KCNJ6: variants seen among roughly 807,000 people sequenced by gnomAD.
KCNJ6 encodes the protein G protein-activated inward rectifier potassium channel 2.
In KCNJ6, 9 loss-of-function variants were observed where a neutral mutation model predicts 34.2. That is an observed-to-expected ratio of 0.26 (90% CI 0.16 to 0.46). The LOEUF (loss-of-function observed/expected upper bound fraction) is 0.46, where lower values mean the gene tolerates loss of function less well. Among genes scored for constraint, KCNJ6 ranks in the 20% least tolerant of loss-of-function variants. The probability of loss-of-function intolerance (pLI) is 1.00; values close to 1 mark genes in which losing one functional copy is unlikely to be tolerated. For synonymous variants in KCNJ6, 196 were observed against 207.1 expected (o/e 0.95, Z 0.46); for missense variants, 236 against 531.3 (o/e 0.44, Z 5.46).
intron 1 of KCNJ6, among the ~76,000 whole-genome samples, chr21:37,844,503 G>T (rs2055497015): frequency 6.6e-6 from 1 of 151,934 alleles, no homozygotes; most frequent in Admixed American, 6.6e-5. Flanking sequence ...AACCTGACAT[G>T]GCCTCTCCCT....
intron 2 of KCNJ6, among the ~76,000 whole-genome samples, chr21:37,720,766 G>T (rs1274949333): frequency 7.3e-5 from 11 of 150,376 alleles, no homozygotes; most frequent in Non-Finnish European, 1.3e-4. Context: ...GGACTGCAGT[G>T]GCGCAATCTC....
Position 37,611,246 on chromosome 21 carries a change from G to A in KCNJ6, c.*13913C>T, listed in dbSNP as rs1275654746. 1 of 152,164 alleles carries A rather than the reference G, an allele frequency of 6.6e-6. No homozygotes were observed. Among genetic ancestry groups the A allele is most frequent in the African/African-American group, 2.4e-5 (1 of 41,448 alleles). 9.4% of individuals were successfully genotyped at this position (152,164 alleles called of 1,614,324 possible). On this transcript the variant is annotated 3_prime_UTR_variant, in exon 4 of 4. Coordinates refer to ENST00000609713, the MANE Select transcript of KCNJ6 (RefSeq NM_002240.5). ...TACCCACAAATTTGATAATGTAGAT[G>A]AAATGAACCAATTCCTTGAAAAATA...
chr21:37,726,628 A>C (rs2054856483), intron 2 of KCNJ6, among the ~76,000 whole-genome samples: 1 of 152,184 alleles, frequency 6.6e-6, no homozygotes, highest in Non-Finnish European at 1.5e-5. Context: ...GTAAAGAATG[A>C]ATGTTCTCCA....
intron 2 of KCNJ6, among the ~76,000 whole-genome samples, chr21:37,723,938 A>T (rs2123461043): frequency 6.6e-6 from 1 of 152,298 alleles, no homozygotes; most frequent in Middle Eastern, 3.4e-3. Flanking sequence ...AACAAATAAA[A>T]AAAAAAAAGA....
chr21:37,634,243 G>A (rs576915746), intron 3 of KCNJ6, among the ~76,000 whole-genome samples: 4 of 152,094 alleles, frequency 2.6e-5, no homozygotes, highest in Admixed American at 6.6e-5. Context: ...GTAAGTTCTC[G>A]TTCTATCAGT....
At chr21:37,877,232 TTCTCCCCAGGTC>T (rs1343566989) in intron 1 of KCNJ6, among the ~76,000 whole-genome samples, 1 of 152,192 alleles carries the variant, frequency 6.6e-6, no homozygotes. Context: ...CTCTCACCTT[TTCTCCCCAGGTC>T]TCTCCTGATA....
rs1274885583 is a variant in KCNJ6 at position 37,622,503 on chromosome 21, G to C, written c.*2656C>G. 1 of 152,198 alleles carries C rather than the reference G, an allele frequency of 6.6e-6. No homozygotes were observed. The highest frequency in any genetic ancestry group is 1.5e-5 in the Non-Finnish European group (1 of 68,028). The allele number at this position is 152,198 out of a possible 1,614,324, so 9.4% of individuals were successfully genotyped here. On this transcript the variant is annotated 3_prime_UTR_variant, in exon 4 of 4. Coordinates refer to ENST00000609713, the MANE Select transcript of KCNJ6 (RefSeq NM_002240.5). ...TTAACAACTGTAGAAAAATAGACAT[G>C]TTTGATAGGGACATTCTAGTAAAAG...
At chr21:37,762,508 G>T (rs2055070691) in intron 2 of KCNJ6, among the ~76,000 whole-genome samples, 1 of 152,216 alleles carries the variant, frequency 6.6e-6, no homozygotes, top group Admixed American at 6.5e-5. Context: ...TGGCCATGTG[G>T]AACTGCCTGC....
intron 1 of KCNJ6, among the ~76,000 whole-genome samples, chr21:37,867,373 C>T (rs1194869675): frequency 1.3e-5 from 2 of 152,104 alleles, no homozygotes; most frequent in Admixed American, 1.3e-4. Flanking sequence ...CCAGAAAGCC[C>T]CATGCAGCCA....
At chr21:37,888,708 G>A (rs895728349) in intron 1 of KCNJ6, among the ~76,000 whole-genome samples, 2 of 152,182 alleles carry the variant, frequency 1.3e-5, no homozygotes, top group African/African-American at 4.8e-5. Flanking sequence ...TGAGTTTGGG[G>A]ATCACAACGC....
chr21:37,844,839 C>T (rs943434838), intron 1 of KCNJ6, among the ~76,000 whole-genome samples: 1 of 152,144 alleles, frequency 6.6e-6, no homozygotes, highest in Admixed American at 6.5e-5. Flanking sequence ...CCATGTGTCA[C>T]ACTGTATAAT....
At chr21:37,852,033 T>C (rs965377071) in intron 1 of KCNJ6, among the ~76,000 whole-genome samples, 2 of 152,160 alleles carry the variant, frequency 1.3e-5, no homozygotes, top group African/African-American at 4.8e-5. Context: ...AGAGGTAGTC[T>C]AAGAAGACAG....
intron 3 of KCNJ6, among the ~76,000 whole-genome samples, chr21:37,673,567 T>A (rs143185134): frequency 2.2e-4 from 33 of 152,328 alleles, no homozygotes; most frequent in African/African-American, 7.9e-4. Context: ...CTGTGTTGTG[T>A]CCAACTCACT....
intron 1 of KCNJ6, among the ~76,000 whole-genome samples, chr21:37,908,346 T>C (rs2055851464): frequency 6.6e-6 from 1 of 152,208 alleles, no homozygotes; most frequent in Non-Finnish European, 1.5e-5. Context: ...GAAGCAGAGG[T>C]TCTCAAACAC....
At chr21:37,798,969 T>C (rs894064013) in intron 2 of KCNJ6, among the ~76,000 whole-genome samples, 1 of 152,206 alleles carries the variant, frequency 6.6e-6, no homozygotes, top group Non-Finnish European at 1.5e-5. Context: ...GTTTGTTATA[T>C]AGGTAAACTT....
intron 2 of KCNJ6, among the ~76,000 whole-genome samples, chr21:37,783,170 CT>C (rs2055177590): frequency 6.6e-6 from 1 of 152,192 alleles, no homozygotes; most frequent in Admixed American, 6.5e-5. Context: ...CCCAGCGATG[CT>C]TTCACAAGAC....
At chr21:37,631,529 A>G (rs2123367636) in intron 3 of KCNJ6, among the ~76,000 whole-genome samples, 1 of 152,310 alleles carries the variant, frequency 6.6e-6, no homozygotes, top group South Asian at 2.1e-4. Flanking sequence ...ACAATGTACA[A>G]AATGAAACCA....
chr21:37,857,091 G>T (rs2055569248), intron 1 of KCNJ6, among the ~76,000 whole-genome samples: 2 of 152,202 alleles, frequency 1.3e-5, no homozygotes, highest in South Asian at 4.1e-4. Flanking sequence ...CCTATGGATA[G>T]ATCTAATTTT....
chr21:37,859,487 TTATATATATATATATATATATATATATA>T (rs55859652), intron 1 of KCNJ6, among the ~76,000 whole-genome samples: 3 of 84,298 alleles, frequency 3.6e-5, no homozygotes, highest in African/African-American at 1.2e-4. Flanking sequence ...TTATATTACT[TTATATATATATATATATATATATATATA>T]TATATATATA....
Sources: allele counts gnomAD v4.1 joint callset (sites outside exome capture counted in the v4.1 genomes callset), GRCh38; gene constraint gnomAD v4.1.1; transcripts MANE v1.5; gene names NCBI Gene and HGNC (gene_info 2026-07-23, HGNC 2026-07-21).